The following FBXL13 variants were observed in gnomAD, a reference collection of about 807,000 sequenced individuals.
FBXL13 encodes F-box and leucine-rich repeat protein 13.
Under a neutral mutation model 83.6 loss-of-function variants are expected in FBXL13, and 67 were observed. The ratio of observed to expected loss-of-function variants is 0.80; its 90% CI spans 0.66 to 0.98. The LOEUF (loss-of-function observed/expected upper bound fraction) is 0.98. Ranked by LOEUF, FBXL13 falls within the 50% of genes least tolerant of loss-of-function variation. FBXL13 has a pLI of 0.00. For synonymous variants in FBXL13, 272 were observed against 299.5 expected, an observed-to-expected ratio of 0.91 and a Z score of 0.95; for missense variants, 822 against 866.5, an observed-to-expected ratio of 0.95 and a Z score of 0.64.
rs200026281 is a variant in FBXL13, at chr7:103,025,056, T to G, written c.495+7A>C. ...TAGTATATAATGTATACTGAATTCA[T>G]ACAAACCTGTAATATTGCTCTTTCA... On this transcript the variant is annotated splice_region_variant and intron_variant, in intron 6 of 19. Transcript: ENST00000313221. 3 of 1,603,392 alleles carry G rather than the reference T, an allele frequency of 1.9e-6. No individual in the cohort carries two copies. The African/African-American group carries it at 4.0e-5, about 22-fold the overall frequency.
chr7:103,068,760 T>C (rs1449008870), intron 1 of FBXL13, among the ~76,000 whole-genome samples: 1 of 152,142 alleles, frequency 6.6e-6, no homozygotes, highest in East Asian at 1.9e-4. Flanking sequence ...GCCCCAAGTG[T>C]GGCCACTGTC....
rs74372764 is a variant in FBXL13 at position 102,953,708 on chromosome 7, A to G, written c.724+9825T>C. On this transcript the variant is annotated intron_variant, in intron 8 of 19. Transcript: ENST00000313221. ...TACATAAAATGTATCTCAATAAACAAAAGCTTCCAGATAAGCATGCCTTGC... is the reference window on the plus strand; with the variant it reads ...TACATAAAATGTATCTCAATAAACAGAAGCTTCCAGATAAGCATGCCTTGC... Among the ~76,000 whole-genome samples, 918 of 152,306 alleles carry G rather than the reference A, an allele frequency of 6.0e-3. 8 individuals are homozygous for G. Among genetic ancestry groups the G allele is most frequent in the African/African-American group, 0.02 (852 of 41,562 alleles).
chr7:102,907,468 C>G (rs181113229), intron 11 of FBXL13, among the ~76,000 whole-genome samples: 1 of 151,982 alleles, frequency 6.6e-6, no homozygotes, highest in East Asian at 1.9e-4. Context: ...ATCTCTCCCC[C>G]ATTCCCGCCC....
At chr7:102,939,882 T>A (rs1821058688) in intron 8 of FBXL13, among the ~76,000 whole-genome samples, 1 of 151,960 alleles carries the variant, frequency 6.6e-6, no homozygotes, top group Non-Finnish European at 1.5e-5. Flanking sequence ...AATAGTATAC[T>A]AAAATGTAGT....
Position 103,027,426 on chromosome 7 carries a change from A to G in FBXL13, c.327+23T>C, listed in dbSNP as rs550385855. On this transcript the variant is annotated intron_variant, in intron 5 of 19. Transcript: ENST00000313221. ...ATAACTGAAACATTCGGATTCTTAA[A>G]AAATTGTTTCAATATACAATACCAG... is the stretch of plus-strand genomic sequence containing the variant. The G allele has an allele frequency of 6.6e-6, 10 of 1,516,700 alleles. No individual in the cohort carries two copies. The African/African-American group carries it at 9.6e-5, about 15-fold the overall frequency. 94.0% of individuals were successfully genotyped at this position (1,516,700 alleles called of 1,614,324 possible). A position where few individuals can be genotyped will look rare whatever the true frequency, so the allele number is the denominator to read the frequency against.
chr7:103,008,350 G>A (rs1399232673), intron 6 of FBXL13, among the ~76,000 whole-genome samples: 3 of 152,120 alleles, frequency 2.0e-5, no homozygotes, highest in Admixed American at 1.3e-4. Context: ...TGGGACAACT[G>A]AAGACACCTG....
rs535933104 is a variant in FBXL13 at position 103,034,499 on chromosome 7, C to T, written c.1-5081G>A. 3.5e-3 allele frequency among the ~76,000 whole-genome samples: 540 copies of T among 152,344 alleles called. 5 individuals are homozygous for T. Among genetic ancestry groups the T allele is most frequent in the African/African-American group, 0.012 (512 of 41,586 alleles). ...TGGGGCCGGCTGGCCGCTCTGAGTG[C>T]GGGGTCCGCTGAGCCCACGCCCACC... On this transcript the variant is annotated intron_variant, in intron 2 of 19. Transcript: ENST00000313221.
chr7:102,898,152 GC>G (rs1812487019), intron 11 of FBXL13, among the ~76,000 whole-genome samples: 1 of 151,796 alleles, frequency 6.6e-6, no homozygotes, highest in Admixed American at 6.6e-5. Context: ...TGACAACCCA[GC>G]CACTCGACTC....
intron 8 of FBXL13, chr7:102,944,321 T>C: frequency 6.2e-7 from 1 of 1,614,094 alleles, no homozygotes; most frequent in Non-Finnish European, 8.5e-7. Flanking sequence ...CTCTTGTGGC[T>C]CAGAGATAAC....
intron 8 of FBXL13, among the ~76,000 whole-genome samples, chr7:102,955,129 C>T (rs1434726182): frequency 6.6e-6 from 1 of 152,046 alleles, no homozygotes; most frequent in East Asian, 1.9e-4. Flanking sequence ...TAAAATTGAC[C>T]ACATAATTGG....
intron 18 of FBXL13, among the ~76,000 whole-genome samples, chr7:102,826,247 G>C (rs1799602123): frequency 4.6e-5 from 7 of 152,158 alleles, no homozygotes; most frequent in Admixed American, 3.9e-4. Context: ...TGGACAGCAA[G>C]AAAGGGGCTG....
At position 102,854,708 on chromosome 7, in the gene FBXL13, A is replaced by G. The variant is rs933683177; in HGVS notation, c.1719+69T>C. Reference sequence around the variant, plus strand: ...TCAATAAAAATAGTCCTTTTTATTCATTGGAAAAAAAAGAAAAAAAGAAAA... The same window carrying G: ...TCAATAAAAATAGTCCTTTTTATTCGTTGGAAAAAAAAGAAAAAAAGAAAA... On this transcript the variant is annotated intron_variant, in intron 17 of 19. Transcript: ENST00000313221. 66 of 958,076 alleles carry G rather than the reference A, an allele frequency of 6.9e-5. No individual in the cohort carries two copies. The Middle Eastern group carries it at 9.7e-4, about 14-fold the overall frequency. 59.3% of individuals were successfully genotyped at this position (958,076 alleles called of 1,614,324 possible).
intron 16 of FBXL13, among the ~76,000 whole-genome samples, chr7:102,867,211 A>C (rs1342568812): frequency 6.6e-6 from 1 of 152,068 alleles, no homozygotes; most frequent in East Asian, 1.9e-4. Flanking sequence ...TTGAAAAATC[A>C]GCCAGTCATG....
At chr7:102,980,904 A>G (rs752452262) in intron 6 of FBXL13, among the ~76,000 whole-genome samples, 6 of 131,398 alleles carry the variant, frequency 4.6e-5, no homozygotes, top group Non-Finnish European at 8.0e-5. Context: ...AATAAATAAG[A>G]GTTCATCAAA....
At chr7:102,851,063 G>A (rs140599652) in intron 17 of FBXL13, among the ~76,000 whole-genome samples, 15 of 152,302 alleles carry the variant, frequency 9.8e-5, no homozygotes, top group Non-Finnish European at 1.9e-4. Flanking sequence ...TACTGAATTA[G>A]TTTGCTGAGA....
chr7:103,022,238 C>T (rs947801323), intron 6 of FBXL13, among the ~76,000 whole-genome samples: 1 of 151,592 alleles, frequency 6.6e-6, no homozygotes, highest in Admixed American at 6.6e-5. Flanking sequence ...GGACAGAAAA[C>T]CAAACACCGC....
chr7:103,002,616 G>A (rs970469613), intron 6 of FBXL13, among the ~76,000 whole-genome samples: 1 of 152,138 alleles, frequency 6.6e-6, no homozygotes, highest in African/African-American at 2.4e-5. Context: ...AATTCTTTAA[G>A]CTTTTGTTTG....
intron 2 of FBXL13, among the ~76,000 whole-genome samples, chr7:103,047,862 C>T (rs778650549): frequency 1.3e-4 from 20 of 152,102 alleles, no homozygotes; most frequent in Non-Finnish European, 2.6e-4. Context: ...GCCTATCTAA[C>T]TTTTTGTACC....
At chr7:102,829,285 CT>C (rs1420524518) in intron 18 of FBXL13, among the ~76,000 whole-genome samples, 2 of 152,184 alleles carry the variant, frequency 1.3e-5, no homozygotes, top group Non-Finnish European at 2.9e-5. Context: ...CTTCATGAAG[CT>C]TTTTGCATAT....
Sources: allele counts gnomAD v4.1 joint callset (sites outside exome capture counted in the v4.1 genomes callset), GRCh38; gene constraint gnomAD v4.1.1; transcripts MANE v1.5; gene names NCBI Gene and HGNC (gene_info 2026-07-23, HGNC 2026-07-21).